Variants in CHRM3 observed in about 807,000 individuals in gnomAD.
The protein encoded by CHRM3 is cholinergic receptor muscarinic 3.
Under a neutral mutation model 41.8 loss-of-function variants are expected in CHRM3, and 11 were observed. The ratio of observed to expected loss-of-function variants is 0.26; its 90% CI spans 0.17 to 0.44. The LOEUF is 0.44. Ranked by LOEUF, CHRM3 falls within the 20% of genes least tolerant of loss-of-function variation. The probability of loss-of-function intolerance (pLI) is 1.00; values close to 1 mark genes in which losing one functional copy is unlikely to be tolerated. For synonymous variants in CHRM3, 297 were observed against 301.4 expected (o/e 0.99, Z 0.15); for missense variants, 571 against 745.4 (o/e 0.77, Z 2.72).
At chr1:239,489,450 C>T (rs1183685183) in intron 1 of CHRM3, among the ~76,000 whole-genome samples, 3 of 151,970 alleles carry the variant, frequency 2.0e-5, no homozygotes, top group Admixed American at 6.6e-5. Context: ...GGAACAACTT[C>T]GTTTCTCATT....
At chr1:239,828,952 G>A (rs1322938441) in intron 6 of CHRM3, among the ~76,000 whole-genome samples, 1 of 152,156 alleles carries the variant, frequency 6.6e-6, no homozygotes, top group African/African-American at 2.4e-5. Context: ...AGAGCCAAAG[G>A]GACCTGCTGA....
rs150081233 is a variant in CHRM3, at chr1:239,633,917, A to G, written c.-250+1631A>G. The stretch of plus-strand genomic sequence containing the variant: ...CAAATGTAGACTTAGCTGATTCAGT[A>G]ACATTCATATCTGGATATCATGCTG... On this transcript the variant is annotated intron_variant, in intron 4 of 6. Coordinates refer to ENST00000676153, the MANE Select transcript of CHRM3 (RefSeq NM_001375978.1). Among the ~76,000 whole-genome samples the G allele has an allele frequency of 9.1e-4, 139 of 152,364 alleles. 2 individuals are homozygous for G. Among genetic ancestry groups the G allele is most frequent in the Admixed American group, 1.5e-3 (23 of 15,304 alleles).
chr1:239,902,101 G>A (rs1007500740), intron 6 of CHRM3, among the ~76,000 whole-genome samples: 6 of 152,120 alleles, frequency 3.9e-5, no homozygotes, highest in Non-Finnish European at 7.4e-5. Context: ...CTCTACCAGA[G>A]TATTTAAAAT....
At chr1:239,780,549 T>C (rs1160217083) in intron 5 of CHRM3, among the ~76,000 whole-genome samples, 2 of 152,188 alleles carry the variant, frequency 1.3e-5, no homozygotes, top group Non-Finnish European at 2.9e-5. Flanking sequence ...GCAAATATTT[T>C]CTTCCAGTCT....
intron 4 of CHRM3, among the ~76,000 whole-genome samples, chr1:239,636,203 A>G (rs1670448819): frequency 6.6e-6 from 1 of 152,234 alleles, no homozygotes; most frequent in Non-Finnish European, 1.5e-5. Context: ...CGAAAGAATG[A>G]AATAATAAAT....
At chr1:239,695,014 A>G (rs1048285584) in intron 5 of CHRM3, among the ~76,000 whole-genome samples, 6 of 152,100 alleles carry the variant, frequency 3.9e-5, no homozygotes, top group Admixed American at 2.0e-4. Context: ...TTTTCTGTAT[A>G]CAATTTTATT....
At chr1:239,618,024 G>A (rs1422005948) in intron 3 of CHRM3, among the ~76,000 whole-genome samples, 1 of 152,024 alleles carries the variant, frequency 6.6e-6, no homozygotes, top group Admixed American at 6.6e-5. Flanking sequence ...GCCTGCCGTT[G>A]TTACGTTTCC....
intron 5 of CHRM3, among the ~76,000 whole-genome samples, chr1:239,795,473 G>A (rs1400103306): frequency 6.6e-6 from 1 of 152,134 alleles, no homozygotes. Flanking sequence ...TGTCTCTGAG[G>A]AAGTTTTCTG....
At chr1:239,543,621 C>A (rs1003655188) in intron 2 of CHRM3, among the ~76,000 whole-genome samples, 1 of 151,962 alleles carries the variant, frequency 6.6e-6, no homozygotes, top group Non-Finnish European at 1.5e-5. Context: ...CATTCTCCTG[C>A]CTCAGCCTCC....
intron 3 of CHRM3, among the ~76,000 whole-genome samples, chr1:239,621,243 G>A (rs1404663488): frequency 6.6e-6 from 1 of 152,126 alleles, no homozygotes; most frequent in Non-Finnish European, 1.5e-5. Context: ...TGTTCTGACT[G>A]CTCCACCAAC....
At chr1:239,640,252 T>G (rs1394159207) in intron 4 of CHRM3, among the ~76,000 whole-genome samples, 1 of 152,176 alleles carries the variant, frequency 6.6e-6, no homozygotes, top group Non-Finnish European at 1.5e-5. Context: ...TCTGCCCGGC[T>G]TTGGTATCAG....
At chr1:239,838,521 A>G (rs1415062006) in intron 6 of CHRM3, among the ~76,000 whole-genome samples, 3 of 152,150 alleles carry the variant, frequency 2.0e-5, no homozygotes, top group Non-Finnish European at 2.9e-5. Context: ...ATGCATTAAA[A>G]TTGCCATGCC....
At chr1:239,611,343 G>C (rs557993402) in intron 3 of CHRM3, among the ~76,000 whole-genome samples, 74 of 150,676 alleles carry the variant, frequency 4.9e-4, no homozygotes, top group African/African-American at 1.5e-3. Context: ...TTTATAGCAT[G>C]ACTTTCAAAA....
intron 2 of CHRM3, among the ~76,000 whole-genome samples, chr1:239,525,505 A>G (rs1244880479): frequency 3.3e-5 from 5 of 152,010 alleles, no homozygotes; most frequent in African/African-American, 1.2e-4. Flanking sequence ...ATGAACCCCT[A>G]TATACAGATT....
intron 1 of CHRM3, among the ~76,000 whole-genome samples, chr1:239,419,081 C>A (rs1384412712): frequency 1.3e-5 from 2 of 152,146 alleles, no homozygotes; most frequent in East Asian, 1.9e-4. Context: ...GGACAGATCC[C>A]AGTTCGTCTG....
chr1:239,890,705 A>G (rs1334968716), intron 6 of CHRM3, among the ~76,000 whole-genome samples: 1 of 152,220 alleles, frequency 6.6e-6, no homozygotes, highest in Non-Finnish European at 1.5e-5. Flanking sequence ...TATGCTATGT[A>G]CAACATGGTG....
At chr1:239,682,411 T>G (rs2149102645) in intron 5 of CHRM3, among the ~76,000 whole-genome samples, 1 of 152,310 alleles carries the variant, frequency 6.6e-6, no homozygotes, top group African/African-American at 2.4e-5. Flanking sequence ...ATTCCTTATA[T>G]TCTTGAATGT....
chr1:239,647,460 CTCT>C (rs1671839878), intron 4 of CHRM3, among the ~76,000 whole-genome samples: 1 of 152,068 alleles, frequency 6.6e-6, no homozygotes, highest in African/African-American at 2.4e-5. Context: ...TTTTTCCTCT[CTCT>C]TCTTCTTTTC....
chr1:239,689,714 C>T (rs146049847), intron 5 of CHRM3, among the ~76,000 whole-genome samples: 1 of 152,236 alleles, frequency 6.6e-6, no homozygotes, highest in African/African-American at 2.4e-5. Context: ...GATGCTAACA[C>T]AGCAAATAAA....
Sources: allele counts gnomAD v4.1 joint callset (sites outside exome capture counted in the v4.1 genomes callset), GRCh38; gene constraint gnomAD v4.1.1; transcripts MANE v1.5; gene names NCBI Gene and HGNC (gene_info 2026-07-23, HGNC 2026-07-21).